Variants in CTNNA2 observed in about 807,000 individuals in gnomAD.
The protein encoded by CTNNA2 is catenin alpha 2.
CTNNA2 carries 42 observed loss-of-function variants against 101.0 expected under a neutral mutation model. The observed-to-expected ratio is 0.42, with a 90% CI of 0.32 to 0.54. The LOEUF (loss-of-function observed/expected upper bound fraction) is 0.54. Ranked by LOEUF, CTNNA2 falls within the 20% of genes least tolerant of loss-of-function variation. The pLI is 0.14. For synonymous variants in CTNNA2, 450 were observed against 456.4 expected (o/e 0.99, Z 0.18); for missense variants, 871 against 1,223.1 (o/e 0.71, Z 4.29).
chr2:80,539,424 A>AC (rs1329911024), intron 9 of CTNNA2, among the ~76,000 whole-genome samples: 57 of 151,898 alleles, frequency 3.8e-4, no homozygotes, highest in African/African-American at 1.2e-3. Context: ...AAAAAAAAAA[A>AC]AAAGTTATAT....
At chr2:79,512,076 G>A (rs186902860), upstream of CTNNA2, among the ~76,000 whole-genome samples, 44 of 152,298 alleles carry the variant, frequency 2.9e-4, no homozygotes, top group Admixed American at 2.9e-3. Flanking sequence ...TGATGTAGCT[G>A]TGTACCTTTT....
chr2:79,480,845 A>C (rs1671102913), intron 4 of CTNNA2, among the ~76,000 whole-genome samples: 1 of 152,134 alleles, frequency 6.6e-6, no homozygotes, highest in South Asian at 2.1e-4. Context: ...CGTGGTTTGC[A>C]TCATTAATCT....
intron 13 of CTNNA2, among the ~76,000 whole-genome samples, chr2:80,580,062 G>C (rs531579602): frequency 1.0e-3 from 159 of 152,254 alleles, no homozygotes; most frequent in Non-Finnish European, 1.1e-3. Flanking sequence ...ACTACCGTTC[G>C]AATTTAACCT....
intron 2 of CTNNA2, among the ~76,000 whole-genome samples, chr2:79,233,655 A>C (rs1674523033): frequency 6.6e-6 from 1 of 152,134 alleles, no homozygotes; most frequent in Non-Finnish European, 1.5e-5. Flanking sequence ...GTGGTGTCAA[A>C]GTCCCCCACT....
Position 79,302,682 on chromosome 2 carries a change from T to C in CTNNA2, c.-405-10027T>C, listed in dbSNP as rs142628688. The stretch of plus-strand genomic sequence containing the variant: ...AAGTACCATGCAAATTAGATCTAGA[T>C]TTTCTGCTTGCTGAGAAAGAAGGGA... On this transcript the variant is annotated intron_variant, in intron 2 of 21. Transcript: ENST00000466387. 4.6e-5 allele frequency among the ~76,000 whole-genome samples: 7 copies of C among 152,272 alleles called. No individual in the cohort carries two copies. The East Asian group carries it at 1.4e-3, about 30-fold the overall frequency.
chr2:80,396,644 A>T (rs144887543), intron 8 of CTNNA2, among the ~76,000 whole-genome samples: 1,553 of 152,334 alleles, frequency 0.01, 27 homozygotes, highest in African/African-American at 0.035. Context: ...TCCTACAATT[A>T]CAGGGATGCT....
At chr2:79,679,440 G>T (rs1234569484) in intron 2 of CTNNA2, among the ~76,000 whole-genome samples, 1 of 151,958 alleles carries the variant, frequency 6.6e-6, no homozygotes, top group African/African-American at 2.4e-5. Flanking sequence ...TTATCCCCTG[G>T]CAGATCCCAG....
chr2:80,239,462 C>A (rs310783), intron 7 of CTNNA2, among the ~76,000 whole-genome samples: 61,644 of 152,058 alleles, frequency 0.41, 13,914 homozygotes, highest in Non-Finnish European at 0.52. Flanking sequence ...TAGCCCCCCT[C>A]TTATCCACGG....
chr2:80,047,332 G>A (rs1454323588), intron 7 of CTNNA2, among the ~76,000 whole-genome samples: 1 of 152,164 alleles, frequency 6.6e-6, no homozygotes, highest in Non-Finnish European at 1.5e-5. Context: ...AGAACCTAGA[G>A]GCTACCGTAT....
chr2:80,150,695 T>C (rs573420597), intron 7 of CTNNA2, among the ~76,000 whole-genome samples: 6 of 152,298 alleles, frequency 3.9e-5, no homozygotes, highest in African/African-American at 1.4e-4. Flanking sequence ...AACACTGGTG[T>C]TGGTTCAGAG....
intron 7 of CTNNA2, among the ~76,000 whole-genome samples, chr2:80,041,458 G>A (rs560818318): frequency 1.3e-5 from 2 of 152,172 alleles, no homozygotes; most frequent in African/African-American, 4.8e-5. Flanking sequence ...GGGTACAGAG[G>A]TTGAATAGAA....
intron 9 of CTNNA2, among the ~76,000 whole-genome samples, chr2:80,485,172 C>G (rs1004546212): frequency 6.6e-6 from 1 of 152,086 alleles, no homozygotes; most frequent in Non-Finnish European, 1.5e-5. Flanking sequence ...AAATTCTACT[C>G]TTATTTTCAT....
intron 7 of CTNNA2, among the ~76,000 whole-genome samples, chr2:80,360,446 A>G (rs912408938): frequency 2.6e-5 from 4 of 152,112 alleles, no homozygotes; most frequent in African/African-American, 9.7e-5. Flanking sequence ...ATACTTTAGT[A>G]AGATATAGAA....
chr2:79,977,222 GCACACA>G (rs72018840), intron 7 of CTNNA2, among the ~76,000 whole-genome samples: 163 of 144,836 alleles, frequency 1.1e-3, no homozygotes, highest in Middle Eastern at 6.9e-3. Flanking sequence ...GCATATGCAT[GCACACA>G]CACACACACA....
intron 4 of CTNNA2, among the ~76,000 whole-genome samples, chr2:79,860,546 G>GTTTTTTTTTTTTTTTTTTT (rs56929879): frequency 6.5e-5 from 7 of 107,196 alleles, no homozygotes; most frequent in African/African-American, 2.2e-4. Flanking sequence ...AGTAAGGGAA[G>GTTTTTTTTTTTTTTTTTTT]TTTTTTTTTT....
chr2:79,843,152 C>G (rs1425427346), intron 3 of CTNNA2, among the ~76,000 whole-genome samples: 1 of 152,178 alleles, frequency 6.6e-6, no homozygotes, highest in Non-Finnish European at 1.5e-5. Context: ...GTTTTGCCAG[C>G]TATTGGTGCC....
intron 8 of CTNNA2, among the ~76,000 whole-genome samples, chr2:80,409,195 T>C (rs1359499334): frequency 6.6e-6 from 1 of 151,944 alleles, no homozygotes; most frequent in Non-Finnish European, 1.5e-5. Flanking sequence ...AATTTCACCC[T>C]TTTGAAATGC....
chr2:80,216,057 G>A (rs1421863901), intron 7 of CTNNA2, among the ~76,000 whole-genome samples: 6 of 152,202 alleles, frequency 3.9e-5, no homozygotes, highest in East Asian at 1.9e-4. Context: ...GGGACCCTCC[G>A]AGCCAGGCAT....
intron 6 of CTNNA2, among the ~76,000 whole-genome samples, chr2:79,890,388 C>G (rs150210994): frequency 5.3e-5 from 8 of 152,232 alleles, no homozygotes; most frequent in Non-Finnish European, 1.2e-4. Flanking sequence ...GGTCCTGTCT[C>G]CCTCCCAACC....
Sources: allele counts gnomAD v4.1 joint callset (sites outside exome capture counted in the v4.1 genomes callset), GRCh38; gene constraint gnomAD v4.1.1; transcripts MANE v1.5; gene names NCBI Gene and HGNC (gene_info 2026-07-23, HGNC 2026-07-21).